Variants in RAB3GAP1 observed in about 807,000 individuals in gnomAD.
The protein encoded by RAB3GAP1 is rab3 GTPase-activating protein catalytic subunit.
RAB3GAP1 carries 86 observed loss-of-function variants against 130.7 expected under a neutral mutation model. That is an observed-to-expected ratio of 0.66 (90% CI 0.55 to 0.79). The LOEUF is 0.79. Among genes scored for constraint, RAB3GAP1 ranks in the 30% least tolerant of loss-of-function variants. RAB3GAP1 has a pLI of 0.00. For missense variants in RAB3GAP1, 1,029 were observed against 1,169.4 expected, an observed-to-expected ratio of 0.88 and a Z score of 1.75; for synonymous variants, 367 against 401.7, an observed-to-expected ratio of 0.91 and a Z score of 1.03.
At chr2:135,118,695 A>G (rs1056505009) in intron 7 of RAB3GAP1, among the ~76,000 whole-genome samples, 5 of 152,146 alleles carry the variant, frequency 3.3e-5, no homozygotes. Flanking sequence ...TACCTGCAGA[A>G]TATTTCAGAA....
At chr2:135,123,109 T>TA (rs1290863132) in intron 8 of RAB3GAP1, among the ~76,000 whole-genome samples, 2 of 152,200 alleles carry the variant, frequency 1.3e-5, no homozygotes, top group African/African-American at 2.4e-5. Context: ...CACCAAGTGA[T>TA]AAAGTTTGCA....
chr2:135,130,804 G>A (rs1178133017), intron 13 of RAB3GAP1, 83 bp downstream of exon 13: 6 of 1,309,884 alleles, frequency 4.6e-6, no homozygotes, highest in Non-Finnish European at 6.5e-6. Context: ...GTGGTAGGCA[G>A]TGACCTTGGA....
At chr2:135,150,560 A>G in intron 18 of RAB3GAP1, 54 bp downstream of exon 18, 4 of 1,609,310 alleles carry the variant, frequency 2.5e-6, no homozygotes, top group Non-Finnish European at 2.5e-6. Context: ...CTGGGATGAA[A>G]CTGTGAAAAT....
At chr2:135,091,479 C>T (rs1467127074) in intron 4 of RAB3GAP1, among the ~76,000 whole-genome samples, 1 of 151,380 alleles carries the variant, frequency 6.6e-6, no homozygotes, top group Non-Finnish European at 1.5e-5. Context: ...GAAAAGATCA[C>T]TTTTAATTGG....
At chr2:135,090,711 A>ATATT (rs1690118851) in intron 3 of RAB3GAP1, among the ~76,000 whole-genome samples, 1 of 152,216 alleles carries the variant, frequency 6.6e-6, no homozygotes, top group Admixed American at 6.5e-5. Context: ...TTATTAATAT[A>ATATT]TAGTGATGTG....
At chr2:135,145,386 A>G (rs899801766) in intron 17 of RAB3GAP1, among the ~76,000 whole-genome samples, 1 of 141,844 alleles carries the variant, frequency 7.1e-6, no homozygotes, top group Admixed American at 7.2e-5. Flanking sequence ...CCCCTCACCA[A>G]CACACACACA....
At chr2:135,173,717 G>A (rs1454603696), downstream of RAB3GAP1, among the ~76,000 whole-genome samples, 1 of 152,174 alleles carries the variant, frequency 6.6e-6, no homozygotes, top group African/African-American at 2.4e-5. Context: ...TGGTGGGCAG[G>A]ATGTGGAAGG....
chr2:135,059,354 T>C (rs553828885), intron 3 of RAB3GAP1, among the ~76,000 whole-genome samples: 6 of 152,234 alleles, frequency 3.9e-5, no homozygotes, highest in East Asian at 3.9e-4. Flanking sequence ...AGCTCTGATA[T>C]TCTTTCATTC....
intron 4 of RAB3GAP1, 38 bp from the exon 5 acceptor site, chr2:135,093,577 G>T: frequency 6.7e-7 from 1 of 1,491,348 alleles, no homozygotes; most frequent in South Asian, 1.1e-5. Flanking sequence ...GCCTGATCAT[G>T]AACATACTAA....
chr2:135,143,807 C>T (rs552865571), intron 17 of RAB3GAP1, among the ~76,000 whole-genome samples: 1 of 152,282 alleles, frequency 6.6e-6, no homozygotes, highest in Admixed American at 6.5e-5. Flanking sequence ...CCTCGGCCTC[C>T]CAAAGTGCTG....
intron 7 of RAB3GAP1, among the ~76,000 whole-genome samples, chr2:135,120,399 G>C (rs1691160163): frequency 6.6e-6 from 1 of 152,124 alleles, no homozygotes; most frequent in South Asian, 2.1e-4. Context: ...AAATCCTTCT[G>C]TACACACAAA....
At chr2:135,131,843 C>G (rs1001776320) in intron 13 of RAB3GAP1, among the ~76,000 whole-genome samples, 38 of 152,226 alleles carry the variant, frequency 2.5e-4, no homozygotes, top group Admixed American at 6.5e-5. Flanking sequence ...CTATTCTTAA[C>G]TGTAATTGTG....
chr2:135,121,323 G>A (rs75505987), intron 8 of RAB3GAP1, among the ~76,000 whole-genome samples: 240 of 152,304 alleles, frequency 1.6e-3, no homozygotes, highest in African/African-American at 5.5e-3. Flanking sequence ...AATGTTTCAA[G>A]AAAGGGGGCT....
chr2:135,116,754 G>A (rs1344577031), intron 7 of RAB3GAP1, among the ~76,000 whole-genome samples: 1 of 152,100 alleles, frequency 6.6e-6, no homozygotes, highest in Admixed American at 6.5e-5. Context: ...CCAAAAAAAT[G>A]TCATATGCAT....
intron 23 of RAB3GAP1, among the ~76,000 whole-genome samples, chr2:135,165,917 C>T (rs190621797): frequency 8.5e-5 from 13 of 152,076 alleles, no homozygotes; most frequent in African/African-American, 2.7e-4. Flanking sequence ...CGGTGGCTCA[C>T]GCCTGTAACT....
chr2:135,117,495 G>GCTTCTT (rs1229163423), intron 7 of RAB3GAP1, among the ~76,000 whole-genome samples: 2 of 42,244 alleles, frequency 4.7e-5, no homozygotes, highest in African/African-American at 1.3e-4. Flanking sequence ...TTCTTCTTCT[G>GCTTCTT]CTTCTTCTTC....
intron 5 of RAB3GAP1, among the ~76,000 whole-genome samples, chr2:135,094,607 A>G (rs749063628): frequency 6.6e-6 from 1 of 152,114 alleles, no homozygotes; most frequent in Admixed American, 6.6e-5. Flanking sequence ...ATCACCTCCC[A>G]TAGCTAGCCT....
intron 19 of RAB3GAP1, among the ~76,000 whole-genome samples, chr2:135,157,823 A>G (rs564618759): frequency 7.3e-6 from 1 of 137,494 alleles, no homozygotes; most frequent in South Asian, 2.5e-4. Flanking sequence ...CAGAGTGAGA[A>G]TCCATCTCAA....
chr2:135,132,749 A>C (rs1691583689), intron 13 of RAB3GAP1, 146 bp from the exon 14 acceptor site: 1 of 611,538 alleles, frequency 1.6e-6, no homozygotes, highest in African/African-American at 1.8e-5. Context: ...GAGAGTGTAG[A>C]ACAAACTGGC....
Sources: allele counts gnomAD v4.1 joint callset (sites outside exome capture counted in the v4.1 genomes callset), GRCh38; gene constraint gnomAD v4.1.1; transcripts MANE v1.5; gene names NCBI Gene and HGNC (gene_info 2026-07-23, HGNC 2026-07-21).